The following LSAMP variants were observed in gnomAD, a reference collection of about 807,000 sequenced individuals.
LSAMP encodes limbic system associated membrane protein.
Under a neutral mutation model 38.6 loss-of-function variants are expected in LSAMP, and 7 were observed. The ratio of observed to expected loss-of-function variants is 0.18; its 90% CI spans 0.10 to 0.34. The LOEUF (loss-of-function observed/expected upper bound fraction) is 0.34, where lower values mean the gene tolerates loss of function less well. Among genes scored for constraint, LSAMP ranks in the 10% least tolerant of loss-of-function variants. The probability of loss-of-function intolerance (pLI) is 1.00; values close to 1 mark genes in which losing one functional copy is unlikely to be tolerated. For synonymous variants in LSAMP, 154 were observed against 166.8 expected, an observed-to-expected ratio of 0.92 and a Z score of 0.59; for missense variants, 313 against 420.0, an observed-to-expected ratio of 0.75 and a Z score of 2.23.
intron 6 of LSAMP, among the ~76,000 whole-genome samples, chr3:115,837,442 CAAACGCTGACTACTAGGCT>C (rs11271966): frequency 0.12 from 18,184 of 151,782 alleles, 2,078 homozygotes; most frequent in African/African-American, 0.31. Context: ...CCTCCTAGAC[CAAACGCTGACTACTAGGCT>C]AAACGCTGAC....
intron 1 of LSAMP, among the ~76,000 whole-genome samples, chr3:116,229,375 G>A (rs1576447358): frequency 6.6e-6 from 1 of 152,262 alleles, no homozygotes; most frequent in East Asian, 1.9e-4. Flanking sequence ...ATAGGCTAGA[G>A]ATGAATTTGC....
intron 2 of LSAMP, among the ~76,000 whole-genome samples, chr3:116,065,148 C>T (rs1707391601): frequency 6.6e-6 from 1 of 152,052 alleles, no homozygotes; most frequent in Non-Finnish European, 1.5e-5. Flanking sequence ...ATATGGATAA[C>T]GTTTAGTTTG....
At chr3:116,185,267 C>A (rs1421693429) in intron 1 of LSAMP, among the ~76,000 whole-genome samples, 4 of 151,876 alleles carry the variant, frequency 2.6e-5, no homozygotes, top group Non-Finnish European at 5.9e-5. Context: ...TAGTTACTTA[C>A]CTCATCTGAA....
intron 1 of LSAMP, among the ~76,000 whole-genome samples, chr3:116,413,048 T>C (rs895608072): frequency 3.9e-5 from 6 of 152,090 alleles, no homozygotes; most frequent in Non-Finnish European, 8.8e-5. Flanking sequence ...TTGTTAGATA[T>C]ATAAATTATT....
intron 1 of LSAMP, among the ~76,000 whole-genome samples, chr3:116,335,071 T>G (rs371587024): frequency 2.8e-4 from 42 of 151,848 alleles, no homozygotes; most frequent in East Asian, 1.6e-3. Context: ...AGCATTTCTA[T>G]GTAATAATAA....
At chr3:116,391,350 G>A (rs1415840670) in intron 1 of LSAMP, among the ~76,000 whole-genome samples, 2 of 152,040 alleles carry the variant, frequency 1.3e-5, no homozygotes, top group Admixed American at 6.5e-5. Flanking sequence ...CCACCCTTGT[G>A]CAGCCAGGCA....
intron 1 of LSAMP, among the ~76,000 whole-genome samples, chr3:116,318,710 A>G (rs1330837978): frequency 6.6e-6 from 1 of 152,244 alleles, no homozygotes; most frequent in Non-Finnish European, 1.5e-5. Context: ...AAAAACAAAA[A>G]TCAATACAAT....
intron 3 of LSAMP, among the ~76,000 whole-genome samples, chr3:115,975,577 G>A (rs1056095670): frequency 1.3e-5 from 2 of 152,124 alleles, no homozygotes; most frequent in African/African-American, 4.8e-5. Context: ...ATAGTTTGGG[G>A]ATGGTGAATG....
At chr3:116,356,233 G>A (rs2048222124) in intron 1 of LSAMP, among the ~76,000 whole-genome samples, 2 of 152,154 alleles carry the variant, frequency 1.3e-5, no homozygotes, top group African/African-American at 4.8e-5. Context: ...TATATACAAT[G>A]GAGTACTATG....
rs59857062 is a variant in LSAMP, at chr3:116,444,811, AACACACAC to A, written c.155+58_155+65del. ...AGACACACACACACACACACACACA[AACACACAC>A]ACACACACACACACACGTGTAGACG... On this transcript the variant is annotated intron_variant, in intron 1 of 6. Coordinates refer to ENST00000490035, the MANE Select transcript of LSAMP (RefSeq NM_002338.5). 171 of 712,142 alleles carry A rather than the reference AACACACAC, an allele frequency of 2.4e-4. 2 individuals are homozygous for A. Among genetic ancestry groups the A allele is most frequent in the East Asian group, 6.9e-4 (6 of 8,652 alleles). 44.1% of individuals were successfully genotyped at this position (712,142 alleles called of 1,614,324 possible). A position where few individuals can be genotyped will look rare whatever the true frequency, so the allele number is the denominator to read the frequency against.
rs577225196 is a variant in LSAMP, at chr3:116,370,936, G to C, written c.155+73941C>G. Among the ~76,000 whole-genome samples the C allele has an allele frequency of 3.9e-5, 6 of 152,216 alleles. No homozygotes were observed. In the South Asian group the frequency reaches 1.2e-3, roughly 32 times the overall value. On this transcript the variant is annotated intron_variant, in intron 1 of 6. Coordinates refer to ENST00000490035, the MANE Select transcript of LSAMP (RefSeq NM_002338.5). ...AACATAAATAAAAAAGATTATAAGA[G>C]AGTACTGAGAAAATTGTATACCAGC...
At chr3:115,922,855 C>T (rs1937414274) in intron 3 of LSAMP, among the ~76,000 whole-genome samples, 1 of 152,102 alleles carries the variant, frequency 6.6e-6, no homozygotes, top group Admixed American at 6.5e-5. Context: ...TCTCTTCCTC[C>T]ATCTGGTGTC....
intron 3 of LSAMP, among the ~76,000 whole-genome samples, chr3:115,856,125 A>G (rs113567998): frequency 1.9e-4 from 29 of 152,334 alleles, no homozygotes; most frequent in African/African-American, 6.5e-4. Context: ...CTCATGAACT[A>G]GCACAGAGTT....
At chr3:115,935,881 A>T (rs1041853618) in intron 3 of LSAMP, among the ~76,000 whole-genome samples, 1 of 152,188 alleles carries the variant, frequency 6.6e-6, no homozygotes, top group African/African-American at 2.4e-5. Context: ...GCGTCCTGCC[A>T]ATCTCTTCCC....
intron 3 of LSAMP, among the ~76,000 whole-genome samples, chr3:115,976,593 TAGTG>T (rs1939194624): frequency 6.6e-6 from 1 of 152,162 alleles, no homozygotes; most frequent in Non-Finnish European, 1.5e-5. Context: ...TCAGGATTCA[TAGTG>T]AGTGATATGG....
At chr3:115,973,582 A>G (rs1157053772) in intron 3 of LSAMP, among the ~76,000 whole-genome samples, 1 of 152,010 alleles carries the variant, frequency 6.6e-6, no homozygotes, top group Non-Finnish European at 1.5e-5. Context: ...AAAATATAAA[A>G]AGTTACCCTG....
rs1483392588 is a variant in LSAMP at position 116,022,262 on chromosome 3, G to A, written c.389-2622C>T. On this transcript the variant is annotated intron_variant, in intron 2 of 6. Transcript: ENST00000490035. Reference sequence around the variant, plus strand: ...CTTTTTTTTTTTTCTTTTTTCCTGTGACATAGCTTTCAGGAGATCCTGAGA... The same window carrying A: ...CTTTTTTTTTTTTCTTTTTTCCTGTAACATAGCTTTCAGGAGATCCTGAGA... Among the ~76,000 whole-genome samples, 6 of 148,566 alleles carry A rather than the reference G, an allele frequency of 4.0e-5. No individual in the cohort carries two copies. The South Asian group carries it at 1.1e-3, about 26-fold the overall frequency.
chr3:116,010,939 GTTGA>G (rs1352619930), intron 3 of LSAMP, among the ~76,000 whole-genome samples: 3 of 151,980 alleles, frequency 2.0e-5, no homozygotes, highest in Non-Finnish European at 2.9e-5. Flanking sequence ...CAATAACTTG[GTTGA>G]TTGATTGAAC....
intron 1 of LSAMP, among the ~76,000 whole-genome samples, chr3:116,377,951 C>T (rs2048515053): frequency 1.3e-5 from 2 of 152,136 alleles, no homozygotes; most frequent in South Asian, 2.1e-4. Context: ...TCTGATAATA[C>T]TTTGCCCCAG....
Sources: gnomAD v4.1 joint callset for allele counts (sites outside exome capture counted in the v4.1 genomes callset) on GRCh38, gnomAD v4.1.1 for gene constraint, MANE v1.5 for transcripts, NCBI Gene and HGNC (gene_info 2026-07-23, HGNC 2026-07-21) for gene names.